Variants in ACTR3C observed in about 807,000 individuals in gnomAD.
ACTR3C encodes the protein actin related protein 3C.
Under a neutral mutation model 26.3 loss-of-function variants are expected in ACTR3C, and 18 were observed. That is an observed-to-expected ratio of 0.68 (90% CI 0.47 to 1.01). The LOEUF is 1.01. Among genes scored for constraint, ACTR3C ranks in the 50% least tolerant of loss-of-function variants. The probability of loss-of-function intolerance (pLI) is 0.00; values close to 1 mark genes in which losing one functional copy is unlikely to be tolerated. For synonymous variants in ACTR3C, 55 were observed against 94.5 expected, an observed-to-expected ratio of 0.58 and a Z score of 2.42; for missense variants, 184 against 250.7, an observed-to-expected ratio of 0.73 and a Z score of 1.80.
Position 150,304,483 on chromosome 7 carries a change from G to A in ACTR3C, c.-51-9136C>T, listed in dbSNP as rs544155761. On this transcript the variant is annotated intron_variant, in intron 1 of 7. Transcript: ENST00000683684. ...TTAATTTTCCATCAACTATCAACAC[G>A]TGAATGCTACTGACTCCTACATCAA... 5.6e-3 allele frequency among the ~76,000 whole-genome samples: 846 copies of A among 151,730 alleles called. 13 individuals are homozygous for A. The highest frequency in any genetic ancestry group is 0.019 in the African/African-American group (770 of 41,076).
the ACTR3C span, among the ~76,000 whole-genome samples, chr7:150,048,552 C>G: frequency 6.6e-6 from 1 of 151,846 alleles, no homozygotes; most frequent in African/African-American, 2.4e-5. Flanking sequence ...GCGCGTGCCC[C>G]GCAGCACGCG....
the ACTR3C span, among the ~76,000 whole-genome samples, chr7:150,090,441 C>T: frequency 6.6e-6 from 1 of 152,182 alleles, no homozygotes; most frequent in Non-Finnish European, 1.5e-5. Context: ...GTGTATAAAG[C>T]TTTGCCAGAC....
the ACTR3C span, among the ~76,000 whole-genome samples, chr7:150,093,482 G>A: frequency 6.6e-6 from 1 of 151,214 alleles, no homozygotes; most frequent in African/African-American, 2.5e-5. Flanking sequence ...AGTGCTTGCT[G>A]AATAGACAAA....
the ACTR3C span, among the ~76,000 whole-genome samples, chr7:150,211,976 G>A: frequency 1.4e-5 from 2 of 146,312 alleles, no homozygotes; most frequent in Non-Finnish European, 2.9e-5. Context: ...AATGCCTTAT[G>A]ATCTCTTAAT....
At chr7:150,036,261 A>G in the ACTR3C span, among the ~76,000 whole-genome samples, 20 of 147,380 alleles carry the variant, frequency 1.4e-4, 1 homozygote, top group East Asian at 1.6e-3. Context: ...TTGCCCAAGA[A>G]TCAGCTTATT....
At chr7:150,098,578 T>C in the ACTR3C span, among the ~76,000 whole-genome samples, 1 of 151,792 alleles carries the variant, frequency 6.6e-6, no homozygotes, top group Admixed American at 6.6e-5. Context: ...GTTTGTTTAC[T>C]TAAAGTGCTT....
chr7:150,114,803 T>C, the ACTR3C span, among the ~76,000 whole-genome samples: 1 of 152,050 alleles, frequency 6.6e-6, no homozygotes, highest in Admixed American at 6.5e-5. Flanking sequence ...TCCCTTTCTC[T>C]CTCTGGAGGG....
At chr7:150,082,154 T>C in the ACTR3C span, among the ~76,000 whole-genome samples, 1 of 152,178 alleles carries the variant, frequency 6.6e-6, no homozygotes, top group Non-Finnish European at 1.5e-5. Context: ...TTCCTTTCCA[T>C]ATACAGGGAC....
the ACTR3C span, among the ~76,000 whole-genome samples, chr7:149,978,534 T>C: frequency 6.6e-6 from 1 of 152,008 alleles, no homozygotes; most frequent in Non-Finnish European, 1.5e-5. Context: ...GCTAATATGT[T>C]GTCATGTTCC....
the ACTR3C span, among the ~76,000 whole-genome samples, chr7:150,107,464 C>G: frequency 2.0e-5 from 3 of 151,834 alleles, no homozygotes; most frequent in Non-Finnish European, 4.4e-5. Flanking sequence ...CTCTTGAAAC[C>G]CCTGCTAGGT....
chr7:149,945,318 A>ACAGGCTGCAGGGTCCTGGGG, the ACTR3C span, among the ~76,000 whole-genome samples: 1 of 118,868 alleles, frequency 8.4e-6, no homozygotes, highest in Admixed American at 9.0e-5. Context: ...TCCATCAGTG[A>ACAGGCTGCAGGGTCCTGGGG]CAACCTCCCA....
the ACTR3C span, among the ~76,000 whole-genome samples, chr7:150,154,485 C>T: frequency 0.23 from 34,630 of 150,074 alleles, 5,439 homozygotes; most frequent in African/African-American, 0.45. Flanking sequence ...ATTTCTGGAA[C>T]GTATTATTTC....
Position 150,293,352 on chromosome 7 carries a change from A to T in ACTR3C, c.113T>A (p.Val38Asp). The T allele has an allele frequency of 6.2e-7, 1 of 1,605,824 alleles. No individual in the cohort carries two copies. ...GGTGACTCCATCTCCGCTGTCAATG[A>T]CTATCCCCGTTAATGTACGTTCACC... ...QVGERTLTGI[V>D]IDSGDGVTHV... Residue 38 changes from valine to aspartate, a missense_variant, in exon 3 of 8, where the codon GTC (valine) becomes GAC (aspartate). By Grantham distance (152) the Val-to-Asp change is radical. Transcript: ENST00000683684.
At chr7:150,215,019 A>C in the ACTR3C span, among the ~76,000 whole-genome samples, 70 of 107,390 alleles carry the variant, frequency 6.5e-4, 3 homozygotes, top group African/African-American at 2.4e-3. Context: ...CAAACACACA[A>C]AAAAAATGCA....
At chr7:150,109,603 G>A in the ACTR3C span, among the ~76,000 whole-genome samples, 1 of 148,758 alleles carries the variant, frequency 6.7e-6, no homozygotes, top group Non-Finnish European at 1.5e-5. Flanking sequence ...TTTCTTCTCG[G>A]CATTTGCTTC....
chr7:150,196,438 T>C, the ACTR3C span, among the ~76,000 whole-genome samples: 8 of 152,350 alleles, frequency 5.3e-5, no homozygotes, highest in East Asian at 9.6e-4. Flanking sequence ...TTTTTAGCAT[T>C]TCCATTGATT....
intron 1 of ACTR3C, among the ~76,000 whole-genome samples, chr7:150,298,976 T>A (rs1446871704): frequency 2.9e-5 from 1 of 34,130 alleles, no homozygotes; most frequent in Non-Finnish European, 4.5e-5. Flanking sequence ...AATGAAAACT[T>A]TTTTTTTTTT....
chr7:150,103,257 A>T, the ACTR3C span, among the ~76,000 whole-genome samples: 8 of 152,028 alleles, frequency 5.3e-5, no homozygotes, highest in Non-Finnish European at 1.2e-4. Context: ...ACTGTGTGTT[A>T]TTTACTCGTT....
chr7:150,141,628 T>C, the ACTR3C span, among the ~76,000 whole-genome samples: 1 of 152,130 alleles, frequency 6.6e-6, no homozygotes, highest in South Asian at 2.1e-4. Flanking sequence ...GTTCTTGGCC[T>C]GCCTTTGAAA....
Sources: gnomAD v4.1 joint callset for allele counts (sites outside exome capture counted in the v4.1 genomes callset) on GRCh38, gnomAD v4.1.1 for gene constraint, MANE v1.5 for transcripts, NCBI Gene and HGNC (gene_info 2026-07-23, HGNC 2026-07-21) for gene names.